Variants in MCPH1 observed in about 807,000 individuals in gnomAD.
The protein encoded by MCPH1 is microcephalin 1.
A neutral mutation model predicts 84.5 loss-of-function variants in MCPH1; 104 were observed. That is an observed-to-expected ratio of 1.23 (90% CI 1.05 to 1.45). The LOEUF (loss-of-function observed/expected upper bound fraction) is 1.45. MCPH1 is among the 40% of genes most tolerant of loss of function. The pLI, the probability that MCPH1 is intolerant of heterozygous loss-of-function variation, is 0.00. For missense variants in MCPH1, 1,498 were observed against 1,005.7 expected, an observed-to-expected ratio of 1.49 and a Z score of -6.62; for synonymous variants, 514 against 366.8, an observed-to-expected ratio of 1.40 and a Z score of -4.58.
intron 12 of MCPH1, among the ~76,000 whole-genome samples, chr8:6,609,516 C>T (rs1178868639): frequency 6.6e-6 from 1 of 152,196 alleles, no homozygotes; most frequent in Non-Finnish European, 1.5e-5. Context: ...TCATTGAGTT[C>T]CAGTGTCAGT....
At chr8:6,565,081 T>C (rs551950384) in intron 12 of MCPH1, among the ~76,000 whole-genome samples, 1 of 152,332 alleles carries the variant, frequency 6.6e-6, no homozygotes, top group African/African-American at 2.4e-5. Context: ...AGAAAGCATA[T>C]AGGTCTTAAA....
At chr8:6,498,410 A>T (rs2129562084) in intron 11 of MCPH1, among the ~76,000 whole-genome samples, 1 of 152,318 alleles carries the variant, frequency 6.6e-6, no homozygotes, top group East Asian at 1.9e-4. Context: ...ATACAACTGA[A>T]TTAGTGTTTT....
chr8:6,640,754 C>A (rs1157591011), intron 13 of MCPH1, among the ~76,000 whole-genome samples: 1 of 152,244 alleles, frequency 6.6e-6, no homozygotes, highest in Non-Finnish European at 1.5e-5. Flanking sequence ...AGGCCTTCCT[C>A]ACCCTCTGAG....
At chr8:6,417,071 G>T (rs75571181) in intron 3 of MCPH1, among the ~76,000 whole-genome samples, 5,557 of 151,972 alleles carry the variant, frequency 0.037, 298 homozygotes, top group African/African-American at 0.12. Flanking sequence ...TAAGTGTCTC[G>T]ATATGGTTTT....
intron 7 of MCPH1, among the ~76,000 whole-genome samples, chr8:6,442,637 C>T (rs1021692303): frequency 6.6e-6 from 1 of 152,288 alleles, no homozygotes; most frequent in East Asian, 1.9e-4. Flanking sequence ...TTCCATGTTA[C>T]GCACATACAT....
chr8:6,604,436 C>T (rs564908730), intron 12 of MCPH1, among the ~76,000 whole-genome samples: 1 of 152,386 alleles, frequency 6.6e-6, no homozygotes, highest in Admixed American at 6.5e-5. Flanking sequence ...ACCTCCAAGA[C>T]TCTTTGCTTG....
chr8:6,510,579 G>T (rs945773406), intron 12 of MCPH1, among the ~76,000 whole-genome samples: 4 of 152,206 alleles, frequency 2.6e-5, no homozygotes, highest in African/African-American at 9.7e-5. Context: ...ACCTGCAGTG[G>T]TGGCCGCCAT....
chr8:6,461,235 A>G (rs2916744), intron 9 of MCPH1, among the ~76,000 whole-genome samples: 2 of 151,622 alleles, frequency 1.3e-5, no homozygotes, highest in African/African-American at 2.4e-5. Context: ...CCCATTTTTA[A>G]TGGCAAAAAT....
chr8:6,648,154 C>T lies in MCPH1; in HGVS notation c.*5105C>T, dbSNP rs1410934779. 2.0e-5 allele frequency: 3 copies of T among 152,198 alleles called. No homozygotes were observed. Among genetic ancestry groups the T allele is most frequent in the Admixed American group, 6.5e-5 (1 of 15,280 alleles). 9.4% of individuals were successfully genotyped at this position (152,198 alleles called of 1,614,324 possible). On this transcript the variant is annotated 3_prime_UTR_variant, in exon 14 of 14. Coordinates refer to ENST00000344683, the MANE Select transcript of MCPH1 (RefSeq NM_024596.5). The stretch of plus-strand genomic sequence containing the variant: ...TACGTGGGCACAGAAAGGCACAGGG[C>T]ATGGCTGATTCAGCCCAACATGAGG...
chr8:6,428,270 A>G (rs1801350874), intron 3 of MCPH1, among the ~76,000 whole-genome samples: 2 of 143,872 alleles, frequency 1.4e-5, no homozygotes, highest in South Asian at 2.3e-4. Flanking sequence ...CTTAAAAAAA[A>G]CTAGGACACA....
chr8:6,449,252 C>A (rs929085961), intron 8 of MCPH1, among the ~76,000 whole-genome samples: 3 of 152,188 alleles, frequency 2.0e-5, no homozygotes, highest in African/African-American at 7.2e-5. Context: ...ATGCCTGCCT[C>A]TTAGCGTGTC....
At chr8:6,427,990 C>T (rs1298909313) in intron 3 of MCPH1, among the ~76,000 whole-genome samples, 1 of 151,830 alleles carries the variant, frequency 6.6e-6, no homozygotes, top group African/African-American at 2.4e-5. Flanking sequence ...ACGGGGTTTC[C>T]CCATGTTAGC....
chr8:6,535,393 C>T (rs1009903574), intron 12 of MCPH1, among the ~76,000 whole-genome samples: 1 of 152,110 alleles, frequency 6.6e-6, no homozygotes, highest in East Asian at 1.9e-4. Flanking sequence ...AATTTCTTAA[C>T]CTGCCATATT....
chr8:6,431,614 T>C (rs763804334), intron 4 of MCPH1, 28 bp downstream of exon 4: 37 of 1,400,826 alleles, frequency 2.6e-5, no homozygotes, highest in Non-Finnish European at 3.6e-5. Context: ...ATGTAGATAA[T>C]GGCAATTAGG....
rs1809134383 is a variant in MCPH1 at position 6,480,879 on chromosome 8, A to C, written c.2136+3A>C. The C allele has an allele frequency of 6.2e-7, 1 of 1,613,790 alleles. No individual in the cohort carries two copies. Among genetic ancestry groups the C allele is most frequent in the Admixed American group, 1.7e-5 (1 of 60,010 alleles). Reference sequence around the variant, plus strand: ...GCTGGGTTCTCTCTTATGATTGGGTAAGCCCTGTGTGTGAACTGCGTATTT... The same window carrying C: ...GCTGGGTTCTCTCTTATGATTGGGTCAGCCCTGTGTGTGAACTGCGTATTT... On this transcript the variant is annotated splice_donor_region_variant and intron_variant, in intron 11 of 13. Transcript: ENST00000344683.
intron 2 of MCPH1, among the ~76,000 whole-genome samples, chr8:6,414,203 T>G (rs552903246): frequency 3.9e-5 from 6 of 152,370 alleles, no homozygotes; most frequent in Non-Finnish European, 8.8e-5. Context: ...AGACAAGGTT[T>G]CACCAGGTTG....
At chr8:6,625,490 T>C (rs933408334) in intron 13 of MCPH1, 1 of 984,992 alleles carries the variant, frequency 1.0e-6, no homozygotes, top group African/African-American at 1.7e-5. Context: ...TAGGAATATA[T>C]CAAACCATTT....
intron 12 of MCPH1, among the ~76,000 whole-genome samples, chr8:6,605,031 G>A (rs992151946): frequency 6.6e-6 from 1 of 152,090 alleles, no homozygotes; most frequent in Non-Finnish European, 1.5e-5. Flanking sequence ...GACTAGAGAA[G>A]TCAGGTCACC....
intron 12 of MCPH1, among the ~76,000 whole-genome samples, chr8:6,541,834 T>C (rs1821633116): frequency 6.6e-6 from 1 of 152,000 alleles, no homozygotes; most frequent in Non-Finnish European, 1.5e-5. Context: ...CGAGACTCCA[T>C]CTCTACAGAA....
Sources: allele counts gnomAD v4.1 joint callset (sites outside exome capture counted in the v4.1 genomes callset), GRCh38; gene constraint gnomAD v4.1.1; transcripts MANE v1.5; gene names NCBI Gene and HGNC (gene_info 2026-07-23, HGNC 2026-07-21).